OCA2: variants seen among roughly 807,000 people sequenced by gnomAD.
OCA2 encodes P protein.
OCA2 carries 77 observed loss-of-function variants against 100.2 expected under a neutral mutation model. That is an observed-to-expected ratio of 0.77 (90% CI 0.64 to 0.93). The LOEUF (loss-of-function observed/expected upper bound fraction) is 0.93, where lower values mean the gene tolerates loss of function less well. Among genes scored for constraint, OCA2 ranks in the 40% least tolerant of loss-of-function variants. The pLI is 0.00. For synonymous variants in OCA2, 432 were observed against 439.2 expected, an observed-to-expected ratio of 0.98 and a Z score of 0.21; for missense variants, 1,062 against 1,089.1, an observed-to-expected ratio of 0.98 and a Z score of 0.35.
In OCA2 at chr15:28,014,932, G is replaced by A; in HGVS notation, c.891-3C>T. ...GGATGCTGATGGACACCGTCTCTCT[G>A]CAGAACGAAACAACGACCTTACTGT... On this transcript the variant is annotated splice_polypyrimidine_tract_variant and splice_region_variant and intron_variant, in intron 8 of 23. Coordinates refer to ENST00000354638, the MANE Select transcript of OCA2 (RefSeq NM_000275.3). 6.2e-7 allele frequency: 1 copy of A among 1,614,086 alleles called. No homozygotes were observed. The highest frequency in any genetic ancestry group is 2.2e-5 in the East Asian group (1 of 44,874).
At chr15:27,878,583 A>G (rs2036884520) in intron 19 of OCA2, among the ~76,000 whole-genome samples, 1 of 152,152 alleles carries the variant, frequency 6.6e-6, no homozygotes, top group African/African-American at 2.4e-5. Flanking sequence ...AGTCATTCAA[A>G]TCATAGTCCC....
intron 18 of OCA2, among the ~76,000 whole-genome samples, chr15:27,928,253 T>C (rs58533046): frequency 0.053 from 7,996 of 151,956 alleles, 451 homozygotes; most frequent in South Asian, 0.28. Context: ...ATCAATGAAA[T>C]AGAAAATGGA....
At chr15:27,860,995 C>T (rs2036109414) in intron 21 of OCA2, among the ~76,000 whole-genome samples, 1 of 152,170 alleles carries the variant, frequency 6.6e-6, no homozygotes, top group Non-Finnish European at 1.5e-5. Flanking sequence ...GGACCACAGG[C>T]TCTCAGGAGC....
intron 23 of OCA2, among the ~76,000 whole-genome samples, chr15:27,763,647 T>C (rs2031018905): frequency 6.6e-6 from 1 of 152,134 alleles, no homozygotes; most frequent in South Asian, 2.1e-4. Context: ...GGGCCCTTCC[T>C]GTGGGGAGAC....
chr15:27,889,835 A>G (rs1305883622), intron 19 of OCA2, among the ~76,000 whole-genome samples: 1 of 152,176 alleles, frequency 6.6e-6, no homozygotes, highest in Non-Finnish European at 1.5e-5. Context: ...TGAAGAAAAG[A>G]GCTTGGGCTT....
chr15:27,742,718 T>G, the OCA2 span, among the ~76,000 whole-genome samples: 1 of 152,168 alleles, frequency 6.6e-6, no homozygotes. Context: ...AAAGAATCCC[T>G]CAGGCACCTC....
At chr15:27,978,691 T>G (rs1376842289) in intron 14 of OCA2, among the ~76,000 whole-genome samples, 17 of 149,792 alleles carry the variant, frequency 1.1e-4, no homozygotes, top group Middle Eastern at 7.0e-3. Context: ...GAGAGAGACA[T>G]TTTTTTTTTT....
chr15:27,988,858 G>A (rs1432673807), intron 11 of OCA2, among the ~76,000 whole-genome samples: 7 of 152,160 alleles, frequency 4.6e-5, no homozygotes, highest in African/African-American at 7.2e-5. Context: ...AGAGGATGGC[G>A]GCACGGTTTC....
At position 28,022,593 on chromosome 15, in the gene OCA2, T is replaced by C; in HGVS notation, c.574-20A>G. 6.3e-7 allele frequency: 1 copy of C among 1,589,110 alleles called. No homozygotes were observed. The highest frequency in any genetic ancestry group is 8.6e-7 in the Non-Finnish European group (1 of 1,157,418). On this transcript the variant is annotated intron_variant, in intron 5 of 23. Transcript: ENST00000354638. ...CAAAATCTGTAACAATCAGAAACGT[T>C]GAATGACAGAGGTGTGGTATGAGAG...
chr15:27,847,015 G>A (rs773012108), intron 22 of OCA2, among the ~76,000 whole-genome samples: 39 of 152,206 alleles, frequency 2.6e-4, no homozygotes, highest in South Asian at 2.5e-3. Flanking sequence ...CACCAGAGGG[G>A]CTGCTCTCCC....
intron 19 of OCA2, among the ~76,000 whole-genome samples, chr15:27,899,355 G>A (rs754478467): frequency 1.3e-4 from 20 of 152,202 alleles, no homozygotes; most frequent in Non-Finnish European, 2.8e-4. Context: ...CTTTGCTGAT[G>A]TGATTAAGTT....
At chr15:27,930,923 C>T (rs1053089478) in intron 18 of OCA2, among the ~76,000 whole-genome samples, 2 of 152,152 alleles carry the variant, frequency 1.3e-5, no homozygotes, top group African/African-American at 4.8e-5. Flanking sequence ...GTTCAAAGAA[C>T]TGGGGCATCA....
At chr15:28,078,327 G>C (rs1337889625) in intron 2 of OCA2, among the ~76,000 whole-genome samples, 1 of 152,170 alleles carries the variant, frequency 6.6e-6, no homozygotes, top group Non-Finnish European at 1.5e-5. Context: ...GGTGATGCCT[G>C]AGTGGCTCCC....
At position 28,080,980 on chromosome 15, in the gene OCA2, C is replaced by T. The variant is rs144934070; in HGVS notation, c.227+668G>A. On this transcript the variant is annotated intron_variant, in intron 2 of 23. Transcript: ENST00000354638. ...ATGTAGCTGGAGGCCATTATCCAAG[C>T]GAATTAACCCAGGAACAGGAAACCA... 3.5e-3 allele frequency among the ~76,000 whole-genome samples: 538 copies of T among 152,226 alleles called. 4 individuals carry two copies. The highest frequency in any genetic ancestry group is 0.012 in the African/African-American group (512 of 41,512).
At chr15:27,942,044 C>CA (rs2097711311) in intron 18 of OCA2, among the ~76,000 whole-genome samples, 1 of 152,012 alleles carries the variant, frequency 6.6e-6, no homozygotes, top group Admixed American at 6.5e-5. Flanking sequence ...TCAGAACGCT[C>CA]ATGCATTACC....
downstream of OCA2, among the ~76,000 whole-genome samples, chr15:27,754,014 G>A (rs2030169681): frequency 6.6e-6 from 1 of 152,080 alleles, no homozygotes; most frequent in East Asian, 1.9e-4. Flanking sequence ...CAGGTCCAGT[G>A]AGACCAAGCA....
At chr15:27,828,818 T>C (rs1595478519) in intron 23 of OCA2, among the ~76,000 whole-genome samples, 2 of 152,002 alleles carry the variant, frequency 1.3e-5, no homozygotes, top group East Asian at 3.9e-4. Context: ...CAGTCTGGGG[T>C]TGCACGCTTC....
chr15:27,990,173 C>T (rs775997655), intron 10 of OCA2, among the ~76,000 whole-genome samples: 1 of 152,164 alleles, frequency 6.6e-6, no homozygotes, highest in African/African-American at 2.4e-5. Context: ...CATCCCCAAA[C>T]ACGCCTCTCC....
At chr15:27,840,377 C>A (rs1478127712) in intron 23 of OCA2, among the ~76,000 whole-genome samples, 1 of 152,136 alleles carries the variant, frequency 6.6e-6, no homozygotes. Flanking sequence ...GAAATAACCA[C>A]CAAAACAGAC....
Sources: allele counts gnomAD v4.1 joint callset (sites outside exome capture counted in the v4.1 genomes callset), GRCh38; gene constraint gnomAD v4.1.1; transcripts MANE v1.5; gene names NCBI Gene and HGNC (gene_info 2026-07-23, HGNC 2026-07-21).